DAB1: variants seen among roughly 807,000 people sequenced by gnomAD.
DAB1 encodes disabled homolog 1.
Under a neutral mutation model 64.6 loss-of-function variants are expected in DAB1, and 15 were observed. The ratio of observed to expected loss-of-function variants is 0.23; its 90% CI spans 0.16 to 0.36. DAB1 has a LOEUF of 0.36. DAB1 is among the 10% of genes least tolerant of loss of function. The probability of loss-of-function intolerance (pLI) is 1.00; values close to 1 mark genes in which losing one functional copy is unlikely to be tolerated. For synonymous variants in DAB1, 235 were observed against 251.9 expected (o/e 0.93, Z 0.64); for missense variants, 596 against 706.7 (o/e 0.84, Z 1.78).
chr1:57,083,469 A>T (rs1652755014), intron 4 of DAB1, among the ~76,000 whole-genome samples: 1 of 152,190 alleles, frequency 6.6e-6, no homozygotes, highest in Non-Finnish European at 1.5e-5. Flanking sequence ...TTATTATAGA[A>T]AGCAGGTAAA....
At chr1:57,940,074 AGAAG>A (rs1342157061) in intron 5 of DAB1, among the ~76,000 whole-genome samples, 3 of 152,246 alleles carry the variant, frequency 2.0e-5, no homozygotes, top group Non-Finnish European at 4.4e-5. Context: ...TGAAATGAAC[AGAAG>A]GAAGTAGAAC....
At chr1:57,479,275 T>G (rs1330267114) in intron 7 of DAB1, among the ~76,000 whole-genome samples, 1 of 151,964 alleles carries the variant, frequency 6.6e-6, no homozygotes, top group Admixed American at 6.6e-5. Context: ...TTAAAGGAAC[T>G]GACCCTGGAA....
chr1:58,238,449 T>C (rs1238443816), intron 4 of DAB1, among the ~76,000 whole-genome samples: 1 of 152,044 alleles, frequency 6.6e-6, no homozygotes, highest in Non-Finnish European at 1.5e-5. Flanking sequence ...GACTTCCAGG[T>C]AGTTCAGAAT....
intron 4 of DAB1, among the ~76,000 whole-genome samples, chr1:58,319,732 C>G (rs1662639573): frequency 6.6e-6 from 1 of 152,168 alleles, no homozygotes; most frequent in Admixed American, 6.5e-5. Context: ...AGCACAGTGG[C>G]CAAGGTCTCT....
At chr1:57,281,914 A>G (rs901424203) in intron 2 of DAB1, among the ~76,000 whole-genome samples, 1 of 152,074 alleles carries the variant, frequency 6.6e-6, no homozygotes, top group Non-Finnish European at 1.5e-5. Context: ...ATGTTAACCA[A>G]AAGGTGACTG....
chr1:57,546,326 C>T (rs565154844), intron 7 of DAB1, among the ~76,000 whole-genome samples: 4 of 152,258 alleles, frequency 2.6e-5, no homozygotes, highest in South Asian at 4.1e-4. Context: ...AAAAGGAGAA[C>T]ATGTCTTAAC....
At chr1:57,021,258 C>T (rs987041050) in intron 11 of DAB1, among the ~76,000 whole-genome samples, 3 of 152,152 alleles carry the variant, frequency 2.0e-5, no homozygotes, top group Non-Finnish European at 4.4e-5. Context: ...TCCATAGCTT[C>T]CAATGTGGCT....
At chr1:57,886,304 G>T (rs1255467297), upstream of DAB1, among the ~76,000 whole-genome samples, 1 of 151,906 alleles carries the variant, frequency 6.6e-6, no homozygotes, top group African/African-American at 2.4e-5. Context: ...GATTTTAGGT[G>T]CGTGCCAACA....
chr1:57,021,228 G>A (rs1034418431), intron 11 of DAB1, among the ~76,000 whole-genome samples: 3 of 152,202 alleles, frequency 2.0e-5, no homozygotes, highest in Admixed American at 1.3e-4. Flanking sequence ...AAGGAAATCT[G>A]GATATGTGGA....
intron 5 of DAB1, among the ~76,000 whole-genome samples, chr1:58,040,311 T>C (rs939456241): frequency 2.0e-5 from 3 of 152,240 alleles, no homozygotes; most frequent in African/African-American, 2.4e-5. Flanking sequence ...TAAATCTTAA[T>C]AAGAGTGGAA....
intron 3 of DAB1, among the ~76,000 whole-genome samples, chr1:58,403,490 T>A (rs1302407911): frequency 2.6e-5 from 4 of 152,190 alleles, no homozygotes; most frequent in Admixed American, 1.3e-4. Flanking sequence ...TTTACTCCCA[T>A]CTACAGATGA....
Position 57,502,318 on chromosome 1 carries a change from C to CAAAA in DAB1, n.625+147270_625+147273dup, listed in dbSNP as rs10649147. Among the ~76,000 whole-genome samples, 51 of 93,916 alleles carry CAAAA rather than the reference C, an allele frequency of 5.4e-4. 1 individual carries two copies. The highest frequency in any genetic ancestry group is 9.3e-4 in the South Asian group (2 of 2,158). The allele number at this position is 93,916 out of a possible 152,430, so 61.6% of individuals were successfully genotyped here. ...TGGGCGACACAGCAAGAGTCCGTCT[C>CAAAA]AAAAAAAAAAAAAAAAAAAAGAAAG... On this transcript the variant is annotated intron_variant and non_coding_transcript_variant, in intron 7 of 20. Transcript: ENST00000485760.
At chr1:57,315,115 T>C (rs1389805371) in intron 1 of DAB1, among the ~76,000 whole-genome samples, 1 of 152,258 alleles carries the variant, frequency 6.6e-6, no homozygotes, top group East Asian at 1.9e-4. Context: ...TCAGGGTCTT[T>C]GCAGTTGTGT....
intron 7 of DAB1, among the ~76,000 whole-genome samples, chr1:57,455,742 C>T (rs1686565247): frequency 6.6e-6 from 1 of 152,088 alleles, no homozygotes. Context: ...CACCAAGCTG[C>T]ATCATTCATA....
At chr1:58,276,297 T>C (rs1421372051) in intron 4 of DAB1, among the ~76,000 whole-genome samples, 4 of 152,192 alleles carry the variant, frequency 2.6e-5, no homozygotes, top group Non-Finnish European at 5.9e-5. Flanking sequence ...AAATTATAAA[T>C]TTTATGTTAT....
At chr1:57,261,619 G>C (rs990521895) in intron 2 of DAB1, among the ~76,000 whole-genome samples, 6 of 152,122 alleles carry the variant, frequency 3.9e-5, no homozygotes, top group Non-Finnish European at 8.8e-5. Flanking sequence ...AGAGAAGGGA[G>C]GAAATGCCAA....
intron 5 of DAB1, among the ~76,000 whole-genome samples, chr1:57,953,623 C>T (rs1186559315): frequency 6.6e-6 from 1 of 152,152 alleles, no homozygotes; most frequent in Admixed American, 6.5e-5. Context: ...ATTGCTTTTC[C>T]ATTCTTCTCC....
intron 1 of DAB1, among the ~76,000 whole-genome samples, chr1:57,871,447 A>G (rs1643947753): frequency 6.6e-6 from 1 of 152,180 alleles, no homozygotes; most frequent in Admixed American, 6.6e-5. Flanking sequence ...TCCGAAGATC[A>G]CACAGCTAGT....
intron 1 of DAB1, among the ~76,000 whole-genome samples, chr1:57,846,153 GT>G (rs1421282771): frequency 6.6e-6 from 1 of 152,008 alleles, no homozygotes; most frequent in Non-Finnish European, 1.5e-5. Context: ...TCAGAACTTG[GT>G]TTTTTTAATT....
Sources: allele counts gnomAD v4.1 joint callset (sites outside exome capture counted in the v4.1 genomes callset), GRCh38; gene constraint gnomAD v4.1.1; transcripts MANE v1.5; gene names NCBI Gene and HGNC (gene_info 2026-07-23, HGNC 2026-07-21).